The following GNA12 variants were observed in gnomAD, a reference collection of about 807,000 sequenced individuals.
GNA12 encodes the protein G protein subunit alpha 12.
A neutral mutation model predicts 26.0 loss-of-function variants in GNA12; 9 were observed. That is an observed-to-expected ratio of 0.35 (90% CI 0.21 to 0.60). The LOEUF is 0.60. Among genes scored for constraint, GNA12 ranks in the 20% least tolerant of loss-of-function variants. The pLI is 0.78. For missense variants in GNA12, 405 were observed against 525.8 expected (o/e 0.77, Z 2.25); for synonymous variants, 264 against 219.6 (o/e 1.20, Z -1.79).
chr7:2,777,436 ACT>A (rs1263456277), intron 2 of GNA12, among the ~76,000 whole-genome samples: 2 of 152,204 alleles, frequency 1.3e-5, no homozygotes, highest in African/African-American at 4.8e-5. Flanking sequence ...ATATCACAAC[ACT>A]GTTATGAATG....
chr7:2,776,090 C>T (rs1049623121), intron 2 of GNA12, among the ~76,000 whole-genome samples: 1 of 152,216 alleles, frequency 6.6e-6, no homozygotes, highest in Non-Finnish European at 1.5e-5. Flanking sequence ...CCCTGTCATC[C>T]AGGTTAGACC....
intron 2 of GNA12, among the ~76,000 whole-genome samples, chr7:2,739,344 C>T (rs148735069): frequency 2.6e-5 from 4 of 152,308 alleles, no homozygotes; most frequent in South Asian, 2.1e-4. Flanking sequence ...ATGGATTTGC[C>T]GGTTCTGGAT....
At chr7:2,748,242 C>A (rs1176256213) in intron 2 of GNA12, among the ~76,000 whole-genome samples, 1 of 151,792 alleles carries the variant, frequency 6.6e-6, no homozygotes, top group African/African-American at 2.4e-5. Context: ...AGGCATCACG[C>A]TACCTGACTT....
Position 2,824,807 on chromosome 7 carries a change from G to A in GNA12, c.309+19046C>T, listed in dbSNP as rs185510653. ...TAAAAAAATCCCTGCTGCTCAAAGCGTAGCTGAGGGCCGGTGGCAGCACAG... is the reference window on the plus strand; with the variant it reads ...TAAAAAAATCCCTGCTGCTCAAAGCATAGCTGAGGGCCGGTGGCAGCACAG... On this transcript the variant is annotated intron_variant, in intron 1 of 3. Transcript: ENST00000275364. Among the ~76,000 whole-genome samples the A allele has an allele frequency of 4.2e-3, 645 of 152,292 alleles. 6 individuals are homozygous for A. Among genetic ancestry groups the A allele is most frequent in the African/African-American group, 0.015 (612 of 41,566 alleles).
intron 2 of GNA12, among the ~76,000 whole-genome samples, chr7:2,769,957 TG>T (rs1047418773): frequency 6.6e-6 from 1 of 152,060 alleles, no homozygotes; most frequent in Admixed American, 6.6e-5. Flanking sequence ...TTTTAAATCA[TG>T]GGGGGGCAAG....
At chr7:2,748,016 A>G (rs1049620388) in intron 2 of GNA12, among the ~76,000 whole-genome samples, 6 of 150,840 alleles carry the variant, frequency 4.0e-5, no homozygotes, top group Non-Finnish European at 7.4e-5. Context: ...AAGAGGATAC[A>G]AACAAATGGA....
chr7:2,817,127 A>T (rs1349995906), intron 1 of GNA12, among the ~76,000 whole-genome samples: 1 of 152,192 alleles, frequency 6.6e-6, no homozygotes, highest in Non-Finnish European at 1.5e-5. Flanking sequence ...TATTTTTGAG[A>T]CAGAGTCTCG....
chr7:2,769,929 GTC>G lies in GNA12; in HGVS notation c.525+24997_525+24998del, dbSNP rs1791906418. Among the ~76,000 whole-genome samples, 3 of 152,192 alleles carry G rather than the reference GTC, an allele frequency of 2.0e-5. No homozygotes were observed. In the South Asian group the frequency reaches 6.2e-4, roughly 32 times the overall value. On this transcript the variant is annotated intron_variant, in intron 2 of 3. Transcript: ENST00000275364. ...AAAGTGATATGTCATTACATTTTAAGTCTAAGTGTTTTTGTTTTTTTAAATCA... is the reference window on the plus strand; with the variant it reads ...AAAGTGATATGTCATTACATTTTAAGTAAGTGTTTTTGTTTTTTTAAATCA...
chr7:2,753,998 C>G (rs1791165211), intron 2 of GNA12, among the ~76,000 whole-genome samples: 1 of 152,162 alleles, frequency 6.6e-6, no homozygotes, highest in Non-Finnish European at 1.5e-5. Context: ...TGCTCAGTGA[C>G]CAGAGAATCT....
intron 2 of GNA12, among the ~76,000 whole-genome samples, chr7:2,747,018 C>A (rs1246337599): frequency 1.3e-5 from 2 of 152,106 alleles, no homozygotes; most frequent in African/African-American, 4.8e-5. Context: ...GAAATTGAGG[C>A]AATAATCAAT....
At chr7:2,824,005 G>A (rs746806721) in intron 1 of GNA12, among the ~76,000 whole-genome samples, 1 of 152,160 alleles carries the variant, frequency 6.6e-6, no homozygotes, top group African/African-American at 2.4e-5. Context: ...TTCAAAACAT[G>A]GTTCCTAAAA....
chr7:2,742,320 C>T (rs890148579), intron 2 of GNA12, among the ~76,000 whole-genome samples: 14 of 152,130 alleles, frequency 9.2e-5, no homozygotes, highest in Admixed American at 9.2e-4. Flanking sequence ...CCAGCCTACA[C>T]TGAGATTTTT....
At chr7:2,782,456 T>C (rs1419916803) in intron 2 of GNA12, among the ~76,000 whole-genome samples, 2 of 152,142 alleles carry the variant, frequency 1.3e-5, no homozygotes, top group Non-Finnish European at 2.9e-5. Flanking sequence ...AAAACTCAAT[T>C]AGATTGAGAG....
At chr7:2,736,041 G>A (rs1047039515) in intron 2 of GNA12, among the ~76,000 whole-genome samples, 32 of 152,296 alleles carry the variant, frequency 2.1e-4, no homozygotes, top group Middle Eastern at 6.8e-3. Flanking sequence ...CGCAGCCCAC[G>A]GGACGATCGT....
chr7:2,808,808 T>C (rs1420216126), intron 1 of GNA12, among the ~76,000 whole-genome samples: 1 of 152,214 alleles, frequency 6.6e-6, no homozygotes, highest in African/African-American at 2.4e-5. Context: ...GTTAGCCTGC[T>C]AAGCCTAGGT....
At chr7:2,735,638 C>A (rs1017106313) in intron 2 of GNA12, among the ~76,000 whole-genome samples, 1 of 152,232 alleles carries the variant, frequency 6.6e-6, no homozygotes, top group Non-Finnish European at 1.5e-5. Context: ...ACACTCACTG[C>A]TGCTTTCTCC....
chr7:2,816,998 G>C (rs1336541035), intron 1 of GNA12, among the ~76,000 whole-genome samples: 1 of 152,164 alleles, frequency 6.6e-6, no homozygotes, highest in Non-Finnish European at 1.5e-5. Context: ...CCCTGGAGGA[G>C]GTCTACACTC....
rs147716703 is a variant in GNA12, at chr7:2,814,673, T to C, written c.310-19530A>G. 4.7e-3 allele frequency among the ~76,000 whole-genome samples: 699 copies of C among 149,352 alleles called. 7 individuals carry two copies. Among genetic ancestry groups the C allele is most frequent in the African/African-American group, 0.016 (645 of 40,386 alleles). ...TTTTCGTGGCATAGAATCTCAGAGC[T>C]GGAAGGAGCTCTAAAAGGCTGGACC... On this transcript the variant is annotated intron_variant, in intron 1 of 3. Coordinates refer to ENST00000275364, the MANE Select transcript of GNA12 (RefSeq NM_007353.3).
chr7:2,836,493 G>A (rs1778842173), intron 1 of GNA12, among the ~76,000 whole-genome samples: 1 of 152,216 alleles, frequency 6.6e-6, no homozygotes, highest in East Asian at 1.9e-4. Flanking sequence ...GATGGGCGCT[G>A]CAGAAGCCTC....
Sources: gnomAD v4.1 joint callset for allele counts (sites outside exome capture counted in the v4.1 genomes callset) on GRCh38, gnomAD v4.1.1 for gene constraint, MANE v1.5 for transcripts, NCBI Gene and HGNC (gene_info 2026-07-23, HGNC 2026-07-21) for gene names.